ZW10: variants seen among roughly 807,000 people sequenced by gnomAD.
ZW10 encodes zw10 kinetochore protein.
A neutral mutation model predicts 87.8 loss-of-function variants in ZW10; 53 were observed. The observed-to-expected ratio is 0.60, with a 90% confidence interval of 0.48 to 0.76. The LOEUF (loss-of-function observed/expected upper bound fraction) is 0.76, where lower values mean the gene tolerates loss of function less well. ZW10 is among the 30% of genes least tolerant of loss of function. The pLI is 0.00. For missense variants in ZW10, 837 were observed against 923.0 expected, an observed-to-expected ratio of 0.91 and a Z score of 1.21; for synonymous variants, 312 against 329.2, an observed-to-expected ratio of 0.95 and a Z score of 0.57.
chr11:113,736,769 C>T lies in ZW10; in HGVS notation c.2070G>A (p.Met690Ile). 1 of 1,614,116 alleles carries T rather than the reference C, an allele frequency of 6.2e-7. No homozygotes were observed. The highest frequency in any genetic ancestry group is 8.5e-7 in the Non-Finnish European group (1 of 1,180,016). The change falls in exon 15 of 16, where the codon ATG becomes ATA. Residue 690 changes from methionine to isoleucine, a missense_variant. Coordinates refer to ENST00000200135, the MANE Select transcript of ZW10 (RefSeq NM_004724.4). Reference sequence around the variant, plus strand: ...GTGCAAATACTTGGGGTCCTTCATCCATCACTGTTTTGCATAAGGAATATA... The same window carrying T: ...GTGCAAATACTTGGGGTCCTTCATCTATCACTGTTTTGCATAAGGAATATA... ...DRLYSLCKTVMDEGPQVFAPL... is the reference protein window; with the variant it reads ...DRLYSLCKTVIDEGPQVFAPL...
In ZW10 at chr11:113,739,298, C is replaced by T. The variant is rs1953587807; in HGVS notation, c.1668G>A (p.Gly556=). Residue 556 remains glycine, a synonymous_variant, in exon 12 of 16, where the codon GGG becomes GGA. Transcript: ENST00000200135. Reference sequence around the variant, plus strand: ...GGGCAAGACGCAATCTGAACTGATGCCCGAGGGTCAGCAAGTGGTGAGCAA... The same window carrying T: ...GGGCAAGACGCAATCTGAACTGATGTCCGAGGGTCAGCAAGTGGTGAGCAA... The part of the protein sequence containing the change: ...MYIAHHLLTL[G]HQFRLRLAPI... 1 of 1,613,748 alleles carries T rather than the reference C, an allele frequency of 6.2e-7. No individual in the cohort carries two copies. The highest frequency in any genetic ancestry group is 8.5e-7 in the Non-Finnish European group (1 of 1,179,908).
intron 5 of ZW10, 114 bp downstream of exon 5, chr11:113,760,093 GAC>G: frequency 7.9e-7 from 1 of 1,273,194 alleles, no homozygotes; most frequent in Non-Finnish European, 1.1e-6. Context: ...GCTCAATACA[GAC>G]ATGGAAGATT....
intron 2 of ZW10, among the ~76,000 whole-genome samples, chr11:113,765,663 G>A (rs1234046385): frequency 6.6e-6 from 1 of 152,184 alleles, no homozygotes; most frequent in Non-Finnish European, 1.5e-5. Context: ...ATTGAGGCCT[G>A]AGATCCTGCA....
In ZW10 at chr11:113,747,689, CA is replaced by C; in HGVS notation, c.1113del (p.Phe371LeufsTer5). 1 of 1,609,802 alleles carries C rather than the reference CA, an allele frequency of 6.2e-7. No homozygotes were observed. Among genetic ancestry groups the C allele is most frequent in the East Asian group, 2.2e-5 (1 of 44,796 alleles). ...AATCTCATTTCCTTTAGGGCATTTT[CA>C]AATTCTTCAGTGGACTGTATGATCT... is the stretch of plus-strand genomic sequence containing the variant. ...YEEIIQSTEE[F>X]ENALKEMRFL... On this transcript the variant is annotated frameshift_variant, in exon 9 of 16. Transcript: ENST00000200135. LOFTEE classifies it high-confidence loss of function.
intron 7 of ZW10, among the ~76,000 whole-genome samples, chr11:113,755,397 AAG>A: frequency 6.6e-6 from 1 of 152,340 alleles, no homozygotes; most frequent in South Asian, 2.1e-4. Context: ...TAGAAATGGC[AAG>A]AGAGCTAGAA....
chr11:113,754,207 G>C (rs532677257), intron 7 of ZW10, among the ~76,000 whole-genome samples: 1 of 152,214 alleles, frequency 6.6e-6, no homozygotes, highest in Admixed American at 6.5e-5. Flanking sequence ...GCACCAGGCC[G>C]GGTGCGATGG....
At chr11:113,768,513 G>A (rs905408289) in intron 2 of ZW10, among the ~76,000 whole-genome samples, 6 of 152,066 alleles carry the variant, frequency 3.9e-5, no homozygotes, top group African/African-American at 1.2e-4. Flanking sequence ...TGCACTCTGG[G>A]GATATTTTTT....
intron 9 of ZW10, among the ~76,000 whole-genome samples, chr11:113,746,654 AT>A (rs577093660): frequency 2.6e-5 from 4 of 152,102 alleles, no homozygotes; most frequent in Non-Finnish European, 5.9e-5. Context: ...GGAGGTTATA[AT>A]TTTTTTTAAG....
chr11:113,750,663 A>G (rs754893109), intron 7 of ZW10, among the ~76,000 whole-genome samples: 1 of 152,174 alleles, frequency 6.6e-6, no homozygotes, highest in Non-Finnish European at 1.5e-5. Context: ...CAGCAAATAC[A>G]TTAGGAATTT....
chr11:113,738,197 A>G, intron 13 of ZW10, 67 bp downstream of exon 13: 1 of 1,497,488 alleles, frequency 6.7e-7, no homozygotes, highest in Non-Finnish European at 8.9e-7. Flanking sequence ...CTGCTTTAAA[A>G]AAGCAAACAA....
intron 8 of ZW10, 100 bp from the exon 9 acceptor site, chr11:113,747,813 G>A (rs1374601596): frequency 4.2e-6 from 4 of 954,190 alleles, no homozygotes; most frequent in Non-Finnish European, 6.0e-6. Flanking sequence ...GGACCAAGCT[G>A]GTCATTTTAG....
At chr11:113,737,423 A>C in intron 14 of ZW10, 149 bp downstream of exon 14, 1 of 782,790 alleles carries the variant, frequency 1.3e-6, no homozygotes, top group Non-Finnish European at 2.0e-6. Flanking sequence ...TTCTAGCAAA[A>C]CAGATATAAA....
At chr11:113,738,576 T>C (rs1229551613) in intron 12 of ZW10, among the ~76,000 whole-genome samples, 182 bp from the exon 13 acceptor site, 2 of 152,166 alleles carry the variant, frequency 1.3e-5, no homozygotes, top group Non-Finnish European at 2.9e-5. Context: ...CATTAGCCCG[T>C]TCCTCAAACC....
chr11:113,737,479 T>C (rs1953566488), intron 14 of ZW10, 93 bp downstream of exon 14: 11 of 1,277,832 alleles, frequency 8.6e-6, no homozygotes, highest in Non-Finnish European at 1.1e-5. Flanking sequence ...ACATGAAACA[T>C]GAACAATTTC....
intron 2 of ZW10, among the ~76,000 whole-genome samples, chr11:113,763,870 C>T (rs575588210): frequency 6.6e-6 from 1 of 152,106 alleles, no homozygotes; most frequent in African/African-American, 2.4e-5. Context: ...TTAATTAGAT[C>T]CCATTTGTCA....
At chr11:113,737,293 C>G (rs931989876) in intron 14 of ZW10, among the ~76,000 whole-genome samples, 3 of 152,212 alleles carry the variant, frequency 2.0e-5, no homozygotes, top group African/African-American at 4.8e-5. Flanking sequence ...AATTAAATGA[C>G]TTTACACTAT....
intron 15 of ZW10, among the ~76,000 whole-genome samples, chr11:113,734,029 G>C (rs1591406765): frequency 6.6e-6 from 1 of 152,184 alleles, no homozygotes; most frequent in East Asian, 1.9e-4. Flanking sequence ...CAGATGAAGA[G>C]ACCAAGTGAG....
In ZW10 at chr11:113,739,392, A is replaced by T; in HGVS notation, c.1584-10T>A. ...TTTTTGAAGGTTCTCCCTAGGCCAG[A>T]AGGAGGGGTAGAAAAACAAAGCAAC... On this transcript the variant is annotated splice_polypyrimidine_tract_variant and intron_variant, in intron 11 of 15. Transcript: ENST00000200135. The T allele has an allele frequency of 2.5e-6, 4 of 1,578,054 alleles. No homozygotes were observed. The highest frequency in any genetic ancestry group is 3.4e-6 in the Non-Finnish European group (4 of 1,163,310).
chr11:113,733,900 C>T, intron 15 of ZW10, 86 bp from the exon 16 acceptor site: 6 of 1,441,504 alleles, frequency 4.2e-6, no homozygotes, highest in Non-Finnish European at 5.6e-6. Context: ...GATCCAAATG[C>T]TTATTTGCTT....
Sources: gnomAD v4.1 joint callset for allele counts (sites outside exome capture counted in the v4.1 genomes callset) on GRCh38, gnomAD v4.1.1 for gene constraint, MANE v1.5 for transcripts, NCBI Gene and HGNC (gene_info 2026-07-23, HGNC 2026-07-21) for gene names.